TRANK1: variants seen among roughly 807,000 people sequenced by gnomAD.
TRANK1 encodes the protein tetratricopeptide repeat and ankyrin repeat containing 1.
TRANK1 carries 198 observed loss-of-function variants against 266.0 expected under a neutral mutation model. The observed-to-expected ratio is 0.74, with a 90% CI of 0.66 to 0.84. TRANK1 has a LOEUF of 0.84. Ranked by LOEUF, TRANK1 falls within the 40% of genes least tolerant of loss-of-function variation. TRANK1 has a pLI of 0.00. For synonymous variants in TRANK1, 1,396 were observed against 1,384.1 expected, an observed-to-expected ratio of 1.01 and a Z score of -0.19; for missense variants, 3,326 against 3,634.6, an observed-to-expected ratio of 0.92 and a Z score of 2.18.
chr3:36,941,058 G>A (rs1202921191), intron 1 of TRANK1, among the ~76,000 whole-genome samples: 1 of 152,194 alleles, frequency 6.6e-6, no homozygotes, highest in Non-Finnish European at 1.5e-5. Context: ...CATGAAGGAT[G>A]AGCCCATCCA....
At chr3:36,851,930 T>C (rs1265488747) in intron 14 of TRANK1, 74 bp from the exon 15 acceptor site, 39 of 1,487,490 alleles carry the variant, frequency 2.6e-5, no homozygotes, top group Non-Finnish European at 3.2e-5. Context: ...CTATGGGAGA[T>C]AGGTAATGTT....
chr3:36,911,046 G>A (rs2080044358), intron 1 of TRANK1, among the ~76,000 whole-genome samples: 1 of 152,118 alleles, frequency 6.6e-6, no homozygotes, highest in South Asian at 2.1e-4. Flanking sequence ...CTCCAGCCTG[G>A]GTGACAAGCG....
intron 1 of TRANK1, among the ~76,000 whole-genome samples, chr3:36,935,223 C>T (rs111990459): frequency 0.02 from 2,999 of 152,218 alleles, 47 homozygotes; most frequent in Non-Finnish European, 0.032. Context: ...ATGCCCACCC[C>T]GGGAGGGTGA....
At chr3:36,924,203 C>T (rs2080256778) in intron 1 of TRANK1, among the ~76,000 whole-genome samples, 1 of 152,142 alleles carries the variant, frequency 6.6e-6, no homozygotes, top group Non-Finnish European at 1.5e-5. Context: ...GGCTGATCAC[C>T]CAGAGTGAGT....
At chr3:36,921,828 G>A (rs1226171136) in intron 1 of TRANK1, among the ~76,000 whole-genome samples, 1 of 152,098 alleles carries the variant, frequency 6.6e-6, no homozygotes, top group African/African-American at 2.4e-5. Context: ...TTTAAGTTAG[G>A]CTTTCTGTTA....
Position 36,855,408 on chromosome 3 carries a change from C to T in TRANK1, c.4314G>A (p.Glu1438=), listed in dbSNP as rs1319207269. Residue 1438 remains glutamate (E), a synonymous_variant, in exon 13 of 24, where the codon GAG becomes GAA. Coordinates refer to ENST00000645898, the MANE Select transcript of TRANK1 (RefSeq NM_001329998.2). Reference sequence around the variant, plus strand: ...GCTCGGCCTGGGTAAAGTCTTGAATCTCATCACCATAGAGCTCGTGGATGG... The same window carrying T: ...GCTCGGCCTGGGTAAAGTCTTGAATTTCATCACCATAGAGCTCGTGGATGG... ...PWSIHELYGD[E]IQDFTQAELA... is the part of the protein sequence containing the mutation. The T allele has an allele frequency of 6.2e-7, 1 of 1,614,030 alleles. No individual in the cohort carries two copies. The highest frequency in any genetic ancestry group is 1.1e-5 in the South Asian group (1 of 91,084).
At chr3:36,884,277 C>A (rs1013267395) in intron 8 of TRANK1, among the ~76,000 whole-genome samples, 15 of 152,206 alleles carry the variant, frequency 9.9e-5, no homozygotes, top group African/African-American at 3.6e-4. Flanking sequence ...AACAATGACA[C>A]TCCGCTTCGC....
At chr3:36,888,832 G>A (rs2079645448) in intron 8 of TRANK1, among the ~76,000 whole-genome samples, 1 of 152,184 alleles carries the variant, frequency 6.6e-6, no homozygotes, top group African/African-American at 2.4e-5. Context: ...CGAGGCAGGT[G>A]GATCACTTGA....
At chr3:36,914,657 AAGG>A (rs2080100862) in intron 1 of TRANK1, among the ~76,000 whole-genome samples, 4 of 151,610 alleles carry the variant, frequency 2.6e-5, no homozygotes, top group African/African-American at 9.7e-5. Flanking sequence ...TTATTTCGAG[AAGG>A]AGTTTTCACT....
chr3:36,936,583 A>G (rs1015382092), intron 1 of TRANK1, among the ~76,000 whole-genome samples: 2 of 152,182 alleles, frequency 1.3e-5, no homozygotes, highest in Non-Finnish European at 2.9e-5. Flanking sequence ...AAAAGTACCA[A>G]CTACGCCCCA....
chr3:36,877,024 A>G (rs2079400075), intron 8 of TRANK1, among the ~76,000 whole-genome samples: 1 of 152,194 alleles, frequency 6.6e-6, no homozygotes, highest in Non-Finnish European at 1.5e-5. Flanking sequence ...AAAGCTGAAG[A>G]TTTCTAAGGC....
chr3:36,874,854 G>A (rs1357772414), intron 8 of TRANK1, among the ~76,000 whole-genome samples: 3 of 151,872 alleles, frequency 2.0e-5, no homozygotes, highest in African/African-American at 7.3e-5. Context: ...AGATGCAACT[G>A]TTTGCGGAAT....
chr3:36,886,117 T>G (rs961404886), intron 8 of TRANK1, among the ~76,000 whole-genome samples: 5 of 147,300 alleles, frequency 3.4e-5, no homozygotes, highest in African/African-American at 1.3e-4. Context: ...CCCTTCTTTT[T>G]TTGTTGTTGT....
chr3:36,848,987 T>C (rs1466806089), intron 15 of TRANK1, among the ~76,000 whole-genome samples: 1 of 152,182 alleles, frequency 6.6e-6, no homozygotes, highest in East Asian at 1.9e-4. Context: ...ATATTTTATT[T>C]CCAAGGTGGG....
rs775801526 is a variant in TRANK1 at position 36,855,674 on chromosome 3, T to A, written c.4048A>T (p.Ile1350Leu). The change falls in exon 13 of 24, where the codon ATA becomes TTA. Residue 1350 changes from isoleucine (I) to leucine (L), a missense_variant. Physicochemically the swap from Ile to Leu is conservative, Grantham distance 5 (BLOSUM62 2). Transcript: ENST00000645898. ...AAAGAACCCTTTAGAAAAGATTTTA[T>A]TTCTTTCCAAATCAGTGCAGGGTTG... Reference protein sequence around the residue: ...AYNPALIWKEIKSFLKGSFEA... With the variant: ...AYNPALIWKELKSFLKGSFEA... 1 of 1,613,876 alleles carries A rather than the reference T, an allele frequency of 6.2e-7. No individual in the cohort carries two copies. Among genetic ancestry groups the A allele is most frequent in the Non-Finnish European group, 8.5e-7 (1 of 1,179,872 alleles).
Position 36,833,212 on chromosome 3 carries a change from G to A in TRANK1, c.6371C>T (p.Ala2124Val). The change falls in exon 22 of 24, where the codon GCC (alanine) becomes GTC (valine). Residue 2124 changes from alanine (A) to valine (V), a missense_variant. Coordinates refer to ENST00000645898, the MANE Select transcript of TRANK1 (RefSeq NM_001329998.2). Reference protein sequence around the residue: ...FEFFGISQVDAKYCQIAQNDP... With the variant: ...FEFFGISQVDVKYCQIAQNDP... ...ATTCTGAGCTATCTGGCAATACTTG[G>A]CATCCACCTGGGAAATCCCAAAAAA... 1 of 1,613,878 alleles carries A rather than the reference G, an allele frequency of 6.2e-7. No homozygotes were observed. Among genetic ancestry groups the A allele is most frequent in the Non-Finnish European group, 8.5e-7 (1 of 1,179,878 alleles).
At chr3:36,890,398 C>A (rs1050363074) in intron 7 of TRANK1, among the ~76,000 whole-genome samples, 1 of 152,172 alleles carries the variant, frequency 6.6e-6, no homozygotes, top group Admixed American at 6.5e-5. Flanking sequence ...CCTGGAGCCA[C>A]CTTGAGGCAC....
intron 9 of TRANK1, among the ~76,000 whole-genome samples, chr3:36,870,270 G>A (rs2079286487): frequency 1.3e-5 from 2 of 152,204 alleles, no homozygotes; most frequent in African/African-American, 2.4e-5. Context: ...AGCCGGGCAT[G>A]GTGATGCATG....
At chr3:36,923,027 C>A (rs1342822832) in intron 1 of TRANK1, among the ~76,000 whole-genome samples, 1 of 152,148 alleles carries the variant, frequency 6.6e-6, no homozygotes, top group East Asian at 1.9e-4. Flanking sequence ...TCTTCCATTG[C>A]CCAACTATCA....
Sources: allele counts gnomAD v4.1 joint callset (sites outside exome capture counted in the v4.1 genomes callset), GRCh38; gene constraint gnomAD v4.1.1; transcripts MANE v1.5; gene names NCBI Gene and HGNC (gene_info 2026-07-23, HGNC 2026-07-21).